The following ERBB2 variants were observed in gnomAD, a reference collection of about 807,000 sequenced individuals.
ERBB2 encodes receptor tyrosine-protein kinase erbB-2.
In ERBB2, 61 loss-of-function variants were observed where a neutral mutation model predicts 149.0. The observed-to-expected ratio is 0.41, with a 90% CI of 0.33 to 0.51. The LOEUF is 0.51. ERBB2 is among the 20% of genes least tolerant of loss of function. ERBB2 has a pLI of 0.25. For synonymous variants in ERBB2, 633 were observed against 678.8 expected (o/e 0.93, Z 1.05); for missense variants, 1,205 against 1,655.1 (o/e 0.73, Z 4.72).
Position 39,724,910 on chromosome 17 carries a change from A to G in ERBB2, c.2492A>G (p.Lys831Arg), listed in dbSNP as rs2145854302. Residue 831 changes from lysine (K) to arginine (R), a missense_variant and splice_region_variant, in exon 20 of 27, where the codon AAG (lysine) becomes AGG (arginine). Coordinates refer to ENST00000269571, the MANE Select transcript of ERBB2 (RefSeq NM_004448.4). ...CTGAACTGGTGTATGCAGATTGCCA[A>G]GGTATGCACCTGGGCTCTTTGCAGG... ...DLLNWCMQIA[K>R]GMSYLEDVRL... 1.9e-6 allele frequency: 3 copies of G among 1,613,864 alleles called. No individual in the cohort carries two copies. The highest frequency in any genetic ancestry group is 2.5e-6 in the Non-Finnish European group (3 of 1,179,762).
chr17:39,698,649 G>T (rs1333960278), upstream of ERBB2, among the ~76,000 whole-genome samples: 2 of 152,156 alleles, frequency 1.3e-5, no homozygotes, highest in Admixed American at 6.6e-5. Context: ...CCCACAAGAG[G>T]TGCCTGCTTT....
intron 8 of ERBB2, 84 bp from the exon 9 acceptor site, chr17:39,712,238 G>A (rs765596091): frequency 8.8e-6 from 14 of 1,582,034 alleles, no homozygotes; most frequent in East Asian, 2.2e-5. Flanking sequence ...GGAGGGGCCC[G>A]GACCCTGATG....
upstream of ERBB2, among the ~76,000 whole-genome samples, chr17:39,690,019 C>G (rs1555611468): frequency 6.6e-6 from 1 of 151,848 alleles, no homozygotes. Flanking sequence ...AATAACTATA[C>G]ATATATATAA....
rs375043510 is a variant in ERBB2 at position 39,725,106 on chromosome 17, G to A, written c.2551G>A (p.Val851Met). The part of the protein sequence containing the change: ...LVHRDLAARN[V>M]LVKSPNHVKI... ...ACACAGGGACTTGGCCGCTCGGAAC[G>A]TGCTGGTCAAGAGTCCCAACCATGT... Residue 851 changes from valine to methionine, a missense_variant, in exon 21 of 27, where the codon GTG (valine) becomes ATG (methionine). Around this residue, in one of 6 missense-constraint regions of ERBB2, gnomAD observed 152 missense variants for 318.1 expected, o/e 0.48. Transcript: ENST00000269571. The surrounding 1 kb of genome is among the most constrained non-coding windows in gnomAD (Gnocchi z 4.6). 4 of 1,614,168 alleles carry A rather than the reference G, an allele frequency of 2.5e-6. No individual in the cohort carries two copies. Among genetic ancestry groups the A allele is most frequent in the South Asian group, 1.1e-5 (1 of 91,084 alleles).
At chr17:39,697,354 GTTTTTT>G (rs60262818), upstream of ERBB2, among the ~76,000 whole-genome samples, 1 of 122,138 alleles carries the variant, frequency 8.2e-6, no homozygotes, top group African/African-American at 3.0e-5. Flanking sequence ...TTTTTGTTTT[GTTTTTT>G]TTTTTTTTTT....
rs1597862169 is a variant in ERBB2 at position 39,708,457 on chromosome 17, A to G, written c.362A>G (p.Asp121Gly). The change falls in exon 3 of 27, where the codon GAC (aspartate) becomes GGC (glycine). Residue 121 changes from aspartate (D) to glycine (G), a missense_variant. Transcript: ENST00000269571. ...NYALAVLDNG[D>G]PLNNTTPVTG... is the part of the protein sequence containing the mutation. ...GCCCTGGCCGTGCTAGACAATGGAG[A>G]CCCGCTGAACAATACCACCCCTGTC... The G allele has an allele frequency of 6.2e-7, 1 of 1,613,974 alleles. No individual in the cohort carries two copies. The highest frequency in any genetic ancestry group is 8.5e-7 in the Non-Finnish European group (1 of 1,179,966).
intron 3 of ERBB2, 30 bp downstream of exon 3, chr17:39,708,564 T>G: frequency 6.3e-7 from 1 of 1,579,628 alleles, no homozygotes. Flanking sequence ...AAACCTTCTC[T>G]TGGTTATTCA....
At position 39,707,326 on chromosome 17, in the gene ERBB2, C is replaced by T. The variant is rs1028223531; in HGVS notation, c.225+185C>T. On this transcript the variant is annotated intron_variant, in intron 2 of 26. Coordinates refer to ENST00000269571, the MANE Select transcript of ERBB2 (RefSeq NM_004448.4). The stretch of plus-strand genomic sequence containing the variant: ...TTACTGCAGAATCAGTTGACTCTCT[C>T]TATAACGTGGCTGGCCGAGGTCATG... The T allele has an allele frequency of 1.9e-5, 10 of 516,416 alleles. No individual in the cohort carries two copies. The South Asian group carries it at 3.6e-4, about 18-fold the overall frequency. 32.0% of individuals were successfully genotyped at this position (516,416 alleles called of 1,614,324 possible). A position where few individuals can be genotyped will look rare whatever the true frequency, so the allele number is the denominator to read the frequency against.
intron 3 of ERBB2, 87 bp downstream of exon 3, chr17:39,708,621 T>C (rs2058605820): frequency 4.7e-6 from 5 of 1,053,188 alleles, no homozygotes; most frequent in East Asian, 2.4e-5. Flanking sequence ...TTGTGTGCAT[T>C]AGAAATGGTG....
chr17:39,690,320 G>T (rs964256761), upstream of ERBB2, among the ~76,000 whole-genome samples: 1 of 152,210 alleles, frequency 6.6e-6, no homozygotes, highest in African/African-American at 2.4e-5. Context: ...TCCTGGGCTC[G>T]AGTGATCCTC....
At chr17:39,715,237 A>G in intron 9 of ERBB2, 49 bp from the exon 10 acceptor site, 1 of 1,516,598 alleles carries the variant, frequency 6.6e-7, no homozygotes, top group Non-Finnish European at 9.1e-7. Flanking sequence ...GCTGGGAGTG[A>G]TGTCCACCCT....
At chr17:39,708,617 G>A in intron 3 of ERBB2, 83 bp downstream of exon 3, 1 of 1,111,344 alleles carries the variant, frequency 9.0e-7, no homozygotes, top group Non-Finnish European at 1.3e-6. Flanking sequence ...GGCTTTGTGT[G>A]CATTAGAAAT....
Position 39,709,825 on chromosome 17 carries a change from C to T in ERBB2, c.587C>T (p.Ser196Phe), listed in dbSNP as rs1241783659. 1 of 1,613,322 alleles carries T rather than the reference C, an allele frequency of 6.2e-7. No homozygotes were observed. ...TNRSRACHPC[S>F]PMCKGSRCWG... ...GTTCTGTCCTCAGGCCACCCCTGTT[C>T]TCCGATGTGTAAGGGCTCCCGCTGC... Residue 196 changes from serine (S) to phenylalanine (F), a missense_variant, in exon 5 of 27, where the codon TCT (serine) becomes TTT (phenylalanine). Ser to Phe is a radical substitution (Grantham distance 155). This residue lies in a region of ERBB2 where 569 missense variants were observed against 803.5 expected (regional missense o/e 0.71). Coordinates refer to ENST00000269571, the MANE Select transcript of ERBB2 (RefSeq NM_004448.4).
At chr17:39,697,819 G>A (rs1055103804), upstream of ERBB2, among the ~76,000 whole-genome samples, 8 of 151,946 alleles carry the variant, frequency 5.3e-5, no homozygotes, top group Non-Finnish European at 1.2e-4. Context: ...TCAGCCTCCC[G>A]AGTAGCTGGG....
At chr17:39,699,874 G>A (rs1265258606), upstream of ERBB2, 4 of 668,176 alleles carry the variant, frequency 6.0e-6, no homozygotes, top group South Asian at 6.1e-5. Flanking sequence ...CCGGCGCTAG[G>A]AGGGACGCAC....
At position 39,728,222 on chromosome 17, in the gene ERBB2, G is replaced by C; in HGVS notation, c.*178G>C. On this transcript the variant is annotated 3_prime_UTR_variant, in exon 27 of 27. Coordinates refer to ENST00000269571, the MANE Select transcript of ERBB2 (RefSeq NM_004448.4). ...CTTGAGTTCCCAGATGGCTGGAAGGGGTCCAGCCTCGTTGGAAGAGGAACA... is the reference window on the plus strand; with the variant it reads ...CTTGAGTTCCCAGATGGCTGGAAGGCGTCCAGCCTCGTTGGAAGAGGAACA... The C allele has an allele frequency of 1.8e-6, 1 of 554,700 alleles. No individual in the cohort carries two copies. Among genetic ancestry groups the C allele is most frequent in the South Asian group, 2.8e-5 (1 of 36,328 alleles). 34.4% of individuals were successfully genotyped at this position (554,700 alleles called of 1,614,324 possible). A position where few individuals can be genotyped will look rare whatever the true frequency, so the allele number is the denominator to read the frequency against.
At chr17:39,691,546 T>TAAAAAAAAAAAAAA (rs557885708), upstream of ERBB2, among the ~76,000 whole-genome samples, 2 of 108,410 alleles carry the variant, frequency 1.8e-5, no homozygotes, top group African/African-American at 1.0e-4. Context: ...CCATCTACAT[T>TAAAAAAAAAAAAAA]AAAAAAAAAA....
At position 39,724,860 on chromosome 17, in the gene ERBB2, C is replaced by T. The variant is rs553270501; in HGVS notation, c.2442C>T (p.Arg814=). The T allele has an allele frequency of 1.3e-5, 21 of 1,614,216 alleles. No individual in the cohort carries two copies. Among genetic ancestry groups the T allele is most frequent in the South Asian group, 3.3e-5 (3 of 91,086 alleles). Residue 814 remains arginine, a synonymous_variant, in exon 20 of 27, where the codon CGC becomes CGT. Transcript: ENST00000269571. ...TCTTAGACCATGTCCGGGAAAACCG[C>T]GGACGCCTGGGCTCCCAGGACCTGC... ...GCLLDHVREN[R]GRLGSQDLLN...
At chr17:39,709,121 C>T (rs2058641460) in intron 3 of ERBB2, 197 bp from the exon 4 acceptor site, 2 of 638,390 alleles carry the variant, frequency 3.1e-6, no homozygotes, top group East Asian at 2.6e-5. Flanking sequence ...CTCACTCCTC[C>T]CTGGCTCTCG....
Sources: allele counts gnomAD v4.1 joint callset (sites outside exome capture counted in the v4.1 genomes callset), GRCh38; gene constraint gnomAD v4.1.1; regional missense constraint gnomAD v4.1.1; non-coding constraint Gnocchi (gnomAD v3.1); transcripts MANE v1.5; gene names NCBI Gene and HGNC (gene_info 2026-07-23, HGNC 2026-07-21).